Variants in MBOAT2 observed in about 807,000 individuals in gnomAD.
MBOAT2 encodes the protein membrane bound glycerophospholipid O-acyltransferase 2, also known as membrane-bound glycerophospholipid O-acyltransferase 2.
In MBOAT2, 28 loss-of-function variants were observed where a neutral mutation model predicts 63.4. The ratio of observed to expected loss-of-function variants is 0.44; its 90% confidence interval spans 0.33 to 0.61. MBOAT2 has a LOEUF of 0.61. MBOAT2 is among the 20% of genes least tolerant of loss of function. The probability of loss-of-function intolerance (pLI) is 0.03; values close to 1 mark genes in which losing one functional copy is unlikely to be tolerated. For missense variants in MBOAT2, 470 were observed against 605.8 expected (o/e 0.78, Z 2.35); for synonymous variants, 211 against 215.6 (o/e 0.98, Z 0.19).
intron 3 of MBOAT2, among the ~76,000 whole-genome samples, chr2:8,942,146 G>A (rs1007930798): frequency 3.4e-4 from 52 of 152,314 alleles, no homozygotes; most frequent in African/African-American, 1.2e-3. Flanking sequence ...AGAAAAGTCA[G>A]TGCAGGCAAT....
chr2:8,924,990 A>C (rs1666840771), intron 3 of MBOAT2, among the ~76,000 whole-genome samples: 1 of 152,188 alleles, frequency 6.6e-6, no homozygotes, highest in African/African-American at 2.4e-5. Flanking sequence ...ATAAAAAAAC[A>C]TTCAAAGCTT....
chr2:8,949,434 T>C (rs571473349), intron 2 of MBOAT2, among the ~76,000 whole-genome samples: 4 of 151,950 alleles, frequency 2.6e-5, no homozygotes, highest in African/African-American at 4.8e-5. Context: ...TAAAATGATG[T>C]TCCTTGCTTT....
intron 4 of MBOAT2, among the ~76,000 whole-genome samples, chr2:8,902,484 T>G (rs1665022251): frequency 6.6e-6 from 1 of 152,194 alleles, no homozygotes; most frequent in Non-Finnish European, 1.5e-5. Flanking sequence ...TGTCCGGACT[T>G]TCTTCCTTCT....
Position 8,862,943 on chromosome 2 carries a change from A to G in MBOAT2, c.1053-221T>C, listed in dbSNP as rs1481194103. Among the ~76,000 whole-genome samples the G allele has an allele frequency of 6.6e-6, 1 of 151,090 alleles. No homozygotes were observed. Among genetic ancestry groups the G allele is most frequent in the Non-Finnish European group, 1.5e-5 (1 of 67,368 alleles). On this transcript the variant is annotated intron_variant, in intron 10 of 12. Transcript: ENST00000305997. The surrounding 1 kb of genome is among the most constrained non-coding windows in gnomAD (Gnocchi z 4.3). ...TTAATTCTCATCTTCTTATTGGTAT[A>G]TATAGTATATATATTGGTATATATA...
chr2:8,898,032 C>T (rs551396711), intron 4 of MBOAT2, among the ~76,000 whole-genome samples: 7 of 152,208 alleles, frequency 4.6e-5, no homozygotes, highest in African/African-American at 1.4e-4. Context: ...CACAACTATC[C>T]GTAAACAGTG....
At chr2:8,859,033 T>C (rs370232921) in intron 12 of MBOAT2, 129 bp from the exon 13 acceptor site, 28 of 700,740 alleles carry the variant, frequency 4.0e-5, no homozygotes, top group Non-Finnish European at 5.6e-5. Context: ...CATTATTCTT[T>C]TATTTTTCCC....
At chr2:8,986,362 G>A (rs573652858) in intron 1 of MBOAT2, among the ~76,000 whole-genome samples, 6 of 152,088 alleles carry the variant, frequency 3.9e-5, no homozygotes, top group East Asian at 3.9e-4. Context: ...GATCACTTGC[G>A]AGACCAGCCT....
chr2:8,912,541 A>G (rs1204232881), intron 3 of MBOAT2, among the ~76,000 whole-genome samples: 1 of 152,176 alleles, frequency 6.6e-6, no homozygotes, highest in East Asian at 1.9e-4. Context: ...GCTCTTCTAT[A>G]CACCAACAGC....
intron 2 of MBOAT2, among the ~76,000 whole-genome samples, chr2:8,958,097 A>C (rs1669353832): frequency 6.6e-6 from 1 of 152,220 alleles, no homozygotes; most frequent in Non-Finnish European, 1.5e-5. Context: ...ATGGCAATAA[A>C]GTTCTATCCA....
chr2:8,980,097 GC>G (rs1671096925), intron 1 of MBOAT2, among the ~76,000 whole-genome samples: 1 of 152,162 alleles, frequency 6.6e-6, no homozygotes, highest in Non-Finnish European at 1.5e-5. Context: ...TTGGTATGCT[GC>G]AAGTAATTTA....
intron 3 of MBOAT2, among the ~76,000 whole-genome samples, chr2:8,935,104 T>G (rs1192155141): frequency 6.6e-6 from 1 of 152,124 alleles, no homozygotes; most frequent in Non-Finnish European, 1.5e-5. Context: ...CACCCCACTT[T>G]GCCAGTTACC....
intron 3 of MBOAT2, among the ~76,000 whole-genome samples, chr2:8,926,107 C>CTTTG (rs546327833): frequency 7.2e-5 from 11 of 152,084 alleles, no homozygotes; most frequent in African/African-American, 1.7e-4. Flanking sequence ...TTCTTTTGTT[C>CTTTG]TTTGTTTGTT....
At chr2:8,961,036 T>A (rs887937044) in intron 1 of MBOAT2, among the ~76,000 whole-genome samples, 1 of 152,172 alleles carries the variant, frequency 6.6e-6, no homozygotes, top group Admixed American at 6.5e-5. Flanking sequence ...TTTGAGCCCA[T>A]AGTGATGACA....
rs1361171437 is a variant in MBOAT2, at chr2:8,995,265, G to A, written c.75+8275C>T. Among the ~76,000 whole-genome samples the A allele has an allele frequency of 3.3e-5, 5 of 152,312 alleles. No individual in the cohort carries two copies. In the East Asian group the frequency reaches 9.7e-4, roughly 29 times the overall value. ...AGAGAAAAAAAAATCACATGGAGCA[G>A]GCTCTCTCACAGAGTAGGCCAAAAG... On this transcript the variant is annotated intron_variant, in intron 1 of 12. Transcript: ENST00000305997.
intron 4 of MBOAT2, among the ~76,000 whole-genome samples, chr2:8,888,696 T>C (rs1381605799): frequency 2.0e-5 from 3 of 152,124 alleles, no homozygotes; most frequent in Non-Finnish European, 4.4e-5. Flanking sequence ...GGATGCATCT[T>C]AACCTTTAAA....
At position 8,896,164 on chromosome 2, in the gene MBOAT2, G is replaced by A. The variant is rs367658965; in HGVS notation, c.396-8091C>T. Among the ~76,000 whole-genome samples, 52 of 151,762 alleles carry A rather than the reference G, an allele frequency of 3.4e-4. No homozygotes were observed. The East Asian group carries it at 4.3e-3, about 12-fold the overall frequency. ...TGAGGCAGAAGAATGGCGTGAACCC[G>A]GGAGGTGGAGCTTGCAGTGAGCCGA... On this transcript the variant is annotated intron_variant, in intron 4 of 12. Transcript: ENST00000305997.
In MBOAT2 at chr2:8,888,799, G is replaced by A. The variant is rs1157841954; in HGVS notation, c.396-726C>T. 6.6e-5 allele frequency among the ~76,000 whole-genome samples: 10 copies of A among 152,096 alleles called. No homozygotes were observed. The East Asian group carries it at 7.7e-4, about 12-fold the overall frequency. On this transcript the variant is annotated intron_variant, in intron 4 of 12. Transcript: ENST00000305997. Reference sequence around the variant, plus strand: ...TCTCAGCACTTTGGGAGGCTGAGGCGGGAGAATCGCTTGAGCCCAGGAGTC... The same window carrying A: ...TCTCAGCACTTTGGGAGGCTGAGGCAGGAGAATCGCTTGAGCCCAGGAGTC...
At chr2:8,913,029 A>G (rs1558607893) in intron 3 of MBOAT2, among the ~76,000 whole-genome samples, 1 of 152,206 alleles carries the variant, frequency 6.6e-6, no homozygotes, top group Non-Finnish European at 1.5e-5. Context: ...AGAACCCATA[A>G]ATAAACCCAA....
chr2:8,926,445 C>T lies in MBOAT2; in HGVS notation c.299+16742G>A, dbSNP rs562296367. ...TATTAAGAAAAGGGGGAAAAGGCCT[C>T]GCCACAGAGGTCACAGGTCAACAAG... is the stretch of plus-strand genomic sequence containing the variant. On this transcript the variant is annotated intron_variant, in intron 3 of 12. Coordinates refer to ENST00000305997, the MANE Select transcript of MBOAT2 (RefSeq NM_138799.4). Among the ~76,000 whole-genome samples, 25 of 152,316 alleles carry T rather than the reference C, an allele frequency of 1.6e-4. No homozygotes were observed. In the South Asian group the frequency reaches 5.0e-3, roughly 30 times the overall value.
Sources: allele counts gnomAD v4.1 joint callset (sites outside exome capture counted in the v4.1 genomes callset), GRCh38; gene constraint gnomAD v4.1.1; non-coding constraint Gnocchi (gnomAD v3.1); transcripts MANE v1.5; gene names NCBI Gene and HGNC (gene_info 2026-07-23, HGNC 2026-07-21).